Variants in AIDA observed in about 807,000 individuals in gnomAD.
The protein encoded by AIDA is axin interactor, dorsalization associated, also known as axin interactor, dorsalization-associated protein.
In AIDA, 18 loss-of-function variants were observed where a neutral mutation model predicts 42.7. The ratio of observed to expected loss-of-function variants is 0.42; its 90% CI spans 0.29 to 0.63. The LOEUF is 0.63. Ranked by LOEUF, AIDA falls within the 20% of genes least tolerant of loss-of-function variation. The pLI is 0.19. For missense variants in AIDA, 250 were observed against 354.1 expected (o/e 0.71, Z 2.36); for synonymous variants, 104 against 122.9 (o/e 0.85, Z 1.02).
chr1:222,679,819 T>C (rs543614932), intron 6 of AIDA, among the ~76,000 whole-genome samples: 191 of 152,352 alleles, frequency 1.3e-3, no homozygotes, highest in African/African-American at 4.1e-3. Context: ...AAAGTCTCTG[T>C]TGCCGTGTAA....
chr1:222,689,559 GTA>G (rs1491531897), intron 4 of AIDA, among the ~76,000 whole-genome samples: 53 of 30,618 alleles, frequency 1.7e-3, no homozygotes, highest in Admixed American at 5.5e-3. Context: ...ACATATATAT[GTA>G]TATATATGTA....
intron 2 of AIDA, among the ~76,000 whole-genome samples, chr1:222,698,048 A>G (rs1655571180): frequency 6.6e-6 from 1 of 152,220 alleles, no homozygotes; most frequent in African/African-American, 2.4e-5. Flanking sequence ...AAAGTCAGGA[A>G]TTCAGTGGAA....
chr1:222,706,974 G>A (rs1655856087), intron 1 of AIDA, among the ~76,000 whole-genome samples: 1 of 151,988 alleles, frequency 6.6e-6, no homozygotes, highest in Non-Finnish European at 1.5e-5. Flanking sequence ...GCTAGAGTGG[G>A]AATATGATAT....
intron 1 of AIDA, among the ~76,000 whole-genome samples, chr1:222,706,730 C>T (rs755690305): frequency 2.0e-5 from 3 of 151,550 alleles, no homozygotes; most frequent in East Asian, 1.9e-4. Flanking sequence ...ATTAGCCAGG[C>T]GTGGTGATGC....
intron 2 of AIDA, among the ~76,000 whole-genome samples, chr1:222,696,442 T>A (rs560764801): frequency 1.2e-4 from 19 of 152,344 alleles, no homozygotes; most frequent in African/African-American, 3.6e-4. Flanking sequence ...ATTCTTTTAA[T>A]CCTCACTATA....
intron 8 of AIDA, 49 bp downstream of exon 8, chr1:222,673,264 G>A (rs1664481461): frequency 1.3e-6 from 2 of 1,526,030 alleles, no homozygotes; most frequent in Admixed American, 3.8e-5. Context: ...ACACAAATAA[G>A]ATGAGAATTC....
chr1:222,671,568 C>G (rs1163859765), intron 8 of AIDA, among the ~76,000 whole-genome samples: 1 of 152,108 alleles, frequency 6.6e-6, no homozygotes, highest in Non-Finnish European at 1.5e-5. Context: ...GCACTTGGGT[C>G]CAAATGGACC....
Position 222,697,104 on chromosome 1 carries a change from G to A in AIDA, c.181-2841C>T, listed in dbSNP as rs541099227. On this transcript the variant is annotated intron_variant, in intron 2 of 9. Coordinates refer to ENST00000340020, the MANE Select transcript of AIDA (RefSeq NM_022831.4). ...ATTACAGGCATCCACCACCGCGCCC[G>A]GCTAATTTCTGTATTTTTATTAGAG... Among the ~76,000 whole-genome samples, 5 of 151,766 alleles carry A rather than the reference G, an allele frequency of 3.3e-5. No individual in the cohort carries two copies. The South Asian group carries it at 6.3e-4, about 19-fold the overall frequency.
intron 5 of AIDA, 87 bp downstream of exon 5, chr1:222,687,508 C>T: frequency 1.8e-6 from 2 of 1,135,522 alleles, no homozygotes; most frequent in Non-Finnish European, 2.5e-6. Context: ...ATCAATAATA[C>T]CAAAGTTGAT....
chr1:222,673,748 A>T (rs942899483), intron 7 of AIDA, among the ~76,000 whole-genome samples: 2 of 151,668 alleles, frequency 1.3e-5, no homozygotes, highest in East Asian at 3.9e-4. Context: ...ACTGCACTCC[A>T]GCCTGGGCAA....
intron 6 of AIDA, among the ~76,000 whole-genome samples, chr1:222,681,506 A>G (rs1386971605): frequency 6.6e-6 from 1 of 152,140 alleles, no homozygotes; most frequent in Non-Finnish European, 1.5e-5. Context: ...TGCACTAAAA[A>G]TACAAAAATG....
chr1:222,690,090 T>C lies in AIDA; in HGVS notation c.290-2432A>G, dbSNP rs1244522480. ...AGCCTAGGAGCAATAGGCTATACCATATAGGCTATACCATCTAGGTTTGTG... is the reference window on the plus strand; with the variant it reads ...AGCCTAGGAGCAATAGGCTATACCACATAGGCTATACCATCTAGGTTTGTG... On this transcript the variant is annotated intron_variant, in intron 4 of 9. Coordinates refer to ENST00000340020, the MANE Select transcript of AIDA (RefSeq NM_022831.4). Among the ~76,000 whole-genome samples the C allele has an allele frequency of 5.3e-5, 8 of 152,336 alleles. No homozygotes were observed. The East Asian group carries it at 1.5e-3, about 29-fold the overall frequency.
chr1:222,703,462 C>T (rs984046729), intron 1 of AIDA, among the ~76,000 whole-genome samples: 2 of 151,932 alleles, frequency 1.3e-5, no homozygotes, highest in Admixed American at 6.6e-5. Context: ...GCAGTAAAAA[C>T]AGAGCTGGAA....
intron 1 of AIDA, among the ~76,000 whole-genome samples, chr1:222,710,716 T>C (rs1245066807): frequency 6.6e-6 from 1 of 152,232 alleles, no homozygotes; most frequent in Non-Finnish European, 1.5e-5. Context: ...AGACAGGATT[T>C]GGATTTTCTT....
intron 2 of AIDA, among the ~76,000 whole-genome samples, chr1:222,701,189 C>T (rs2124967107): frequency 6.6e-6 from 1 of 152,206 alleles, no homozygotes; most frequent in South Asian, 2.1e-4. Context: ...TCTTGAACTC[C>T]TGGGCTGAAA....
intron 6 of AIDA, 21 bp from the exon 7 acceptor site, chr1:222,676,239 A>G: frequency 1.2e-6 from 2 of 1,601,862 alleles, no homozygotes; most frequent in Non-Finnish European, 1.7e-6. Flanking sequence ...AGAAAAAGCA[A>G]TAAAAGCTCC....
chr1:222,679,410 A>T (rs1299209084), intron 6 of AIDA, among the ~76,000 whole-genome samples: 2 of 152,234 alleles, frequency 1.3e-5, no homozygotes, highest in East Asian at 3.8e-4. Context: ...TTCCAGCTAG[A>T]TCATTTGCTG....
chr1:222,697,245 A>G (rs1043525394), intron 2 of AIDA, among the ~76,000 whole-genome samples: 3 of 151,648 alleles, frequency 2.0e-5, no homozygotes, highest in African/African-American at 7.2e-5. Flanking sequence ...GCCTGGCTGC[A>G]ACAGTTTTTA....
Position 222,707,049 on chromosome 1 carries a change from C to T in AIDA, c.111-3832G>A, listed in dbSNP as rs373327036. ...GATGGAAATTTTCTAAAATCTGTAA[C>T]GATGGTTGCACATCTTGGTAAATTT... On this transcript the variant is annotated intron_variant, in intron 1 of 9. Transcript: ENST00000340020. 1.3e-4 allele frequency among the ~76,000 whole-genome samples: 19 copies of T among 151,798 alleles called. 1 individual carries two copies. The South Asian group carries it at 3.7e-3, about 30-fold the overall frequency.
Sources: gnomAD v4.1 joint callset for allele counts (sites outside exome capture counted in the v4.1 genomes callset) on GRCh38, gnomAD v4.1.1 for gene constraint, MANE v1.5 for transcripts, NCBI Gene and HGNC (gene_info 2026-07-23, HGNC 2026-07-21) for gene names.